PLCL2: variants seen among roughly 807,000 people sequenced by gnomAD.
PLCL2 encodes phospholipase C like 2, also known as inactive phospholipase C-like protein 2.
PLCL2 carries 4 observed loss-of-function variants against 79.6 expected under a neutral mutation model. The ratio of observed to expected loss-of-function variants is 0.05; its 90% CI spans 0.02 to 0.11. The LOEUF is 0.11. Among genes scored for constraint, PLCL2 ranks in the 10% least tolerant of loss-of-function variants. The probability of loss-of-function intolerance (pLI) is 1.00; values close to 1 mark genes in which losing one functional copy is unlikely to be tolerated. For missense variants in PLCL2, 895 were observed against 1,291.0 expected, an observed-to-expected ratio of 0.69 and a Z score of 4.70; for synonymous variants, 484 against 457.7, an observed-to-expected ratio of 1.06 and a Z score of -0.73.
chr3:16,999,976 T>G (rs2064191075), intron 1 of PLCL2, among the ~76,000 whole-genome samples: 1 of 152,186 alleles, frequency 6.6e-6, no homozygotes. Context: ...AATCTTCCTC[T>G]TTGTCTTCTA....
chr3:17,015,817 A>T (rs1328514387), intron 3 of PLCL2, among the ~76,000 whole-genome samples: 1 of 152,230 alleles, frequency 6.6e-6, no homozygotes, highest in African/African-American at 2.4e-5. Context: ...AAACCTAAAC[A>T]GAAATATTTT....
intron 1 of PLCL2, among the ~76,000 whole-genome samples, chr3:16,895,071 T>G (rs998464704): frequency 6.1e-5 from 9 of 148,538 alleles, no homozygotes; most frequent in Middle Eastern, 3.5e-3. Context: ...CGTATCTATA[T>G]AGATATAGAT....
chr3:16,907,936 AT>A (rs201634739), intron 1 of PLCL2, among the ~76,000 whole-genome samples: 61 of 151,712 alleles, frequency 4.0e-4, no homozygotes, highest in South Asian at 6.2e-4. Context: ...TGAATCTTTA[AT>A]TTTTTTTTAT....
intron 1 of PLCL2, among the ~76,000 whole-genome samples, chr3:16,933,552 A>G (rs529977322): frequency 6.6e-6 from 1 of 152,326 alleles, no homozygotes; most frequent in African/African-American, 2.4e-5. Flanking sequence ...CTCATGAATC[A>G]GCACATATAT....
chr3:17,063,029 G>A (rs979938258), intron 4 of PLCL2, among the ~76,000 whole-genome samples: 6 of 151,832 alleles, frequency 4.0e-5, no homozygotes, highest in Admixed American at 2.0e-4. Flanking sequence ...GCCACACTCT[G>A]TAAGAATATT....
In PLCL2 at chr3:17,080,356, C is replaced by T. The variant is rs551009581; in HGVS notation, c.3205-9377C>T. On this transcript the variant is annotated intron_variant, in intron 5 of 5. Coordinates refer to ENST00000615277, the MANE Select transcript of PLCL2 (RefSeq NM_001144382.2). ...AATTCTGATGAATGTGCCACGATCT[C>T]AGCCAGCCTCAAAAGAACTCTTGAA... is the stretch of plus-strand genomic sequence containing the variant. Among the ~76,000 whole-genome samples the T allele has an allele frequency of 2.6e-5, 4 of 152,280 alleles. No homozygotes were observed. The South Asian group carries it at 6.2e-4, about 24-fold the overall frequency.
At chr3:16,958,902 A>T (rs1559498674) in intron 1 of PLCL2, among the ~76,000 whole-genome samples, 1 of 152,186 alleles carries the variant, frequency 6.6e-6, no homozygotes, top group Non-Finnish European at 1.5e-5. Context: ...TGACTGTTGT[A>T]GACCTTTCCC....
chr3:17,021,398 A>G (rs57877341), intron 3 of PLCL2, among the ~76,000 whole-genome samples: 4,338 of 152,284 alleles, frequency 0.028, 227 homozygotes, highest in African/African-American at 0.1. Flanking sequence ...TGTGCTGGTA[A>G]CATCACATGT....
intron 3 of PLCL2, among the ~76,000 whole-genome samples, chr3:17,016,608 G>T (rs2064387293): frequency 6.6e-6 from 1 of 152,118 alleles, no homozygotes; most frequent in Admixed American, 6.6e-5. Context: ...AGTGAGGCTG[G>T]GGACCAACAT....
chr3:16,955,431 C>T (rs2063695690), intron 1 of PLCL2, among the ~76,000 whole-genome samples: 1 of 152,110 alleles, frequency 6.6e-6, no homozygotes, highest in Admixed American at 6.5e-5. Context: ...GTTACTGTAG[C>T]CTTATAGTAT....
chr3:17,054,780 G>A (rs565389075), intron 4 of PLCL2, among the ~76,000 whole-genome samples: 37 of 152,092 alleles, frequency 2.4e-4, no homozygotes, highest in Non-Finnish European at 4.4e-4. Context: ...GATCCAAATC[G>A]TATCAGTTCT....
Position 16,893,281 on chromosome 3 carries a change from A to G in PLCL2, c.327+7915A>G, listed in dbSNP as rs574948223. 5.3e-5 allele frequency among the ~76,000 whole-genome samples: 8 copies of G among 152,246 alleles called. No individual in the cohort carries two copies. The East Asian group carries it at 5.8e-4, about 11-fold the overall frequency. On this transcript the variant is annotated intron_variant, in intron 1 of 5. Transcript: ENST00000615277. ...TAACAAAAAGTTGATTTATAGTTCT[A>G]TGCATTTTTAGGGTCCTGGAAGGTA...
chr3:17,044,990 A>G (rs1177265830), intron 4 of PLCL2, among the ~76,000 whole-genome samples: 1 of 152,162 alleles, frequency 6.6e-6, no homozygotes, highest in Non-Finnish European at 1.5e-5. Flanking sequence ...AAGCGTGTAA[A>G]GATTATCTTT....
intron 1 of PLCL2, among the ~76,000 whole-genome samples, chr3:16,902,694 A>C (rs1039519170): frequency 1.3e-5 from 2 of 151,788 alleles, no homozygotes; most frequent in African/African-American, 4.8e-5. Context: ...GGGCATGGTG[A>C]TGCGTGCCTG....
chr3:17,044,460 A>G (rs2064760882), intron 4 of PLCL2, among the ~76,000 whole-genome samples: 1 of 152,194 alleles, frequency 6.6e-6, no homozygotes, highest in Non-Finnish European at 1.5e-5. Flanking sequence ...AAAGCATTCT[A>G]TTCAGCCCTT....
intron 1 of PLCL2, among the ~76,000 whole-genome samples, chr3:17,001,229 A>G (rs541552455): frequency 6.6e-6 from 1 of 152,086 alleles, no homozygotes; most frequent in East Asian, 1.9e-4. Flanking sequence ...GTCTATTTAG[A>G]TAATTTGCCC....
intron 5 of PLCL2, among the ~76,000 whole-genome samples, chr3:17,088,167 G>A (rs1010067804): frequency 7.2e-5 from 11 of 152,150 alleles, no homozygotes; most frequent in East Asian, 1.9e-4. Context: ...GCCTCATGAC[G>A]GTTTAAAATT....
chr3:17,082,139 G>T (rs1345975425), intron 5 of PLCL2, among the ~76,000 whole-genome samples: 12 of 101,336 alleles, frequency 1.2e-4, no homozygotes, highest in African/African-American at 1.6e-4. Flanking sequence ...CTCTTTCAGA[G>T]TTTTTTTTTT....
Position 17,010,052 on chromosome 3 carries a change from G to T in PLCL2, c.706G>T (p.Ala236Ser), listed in dbSNP as rs369130951. The change falls in exon 2 of 6, where the codon GCA (alanine) becomes TCA (serine). Residue 236 changes from alanine to serine, a missense_variant. Around this residue, in one of 6 missense-constraint regions of PLCL2, gnomAD observed 129 missense variants for 208.8 expected, o/e 0.62. Coordinates refer to ENST00000615277, the MANE Select transcript of PLCL2 (RefSeq NM_001144382.2). The surrounding 1 kb of genome is among the most constrained non-coding windows in gnomAD (Gnocchi z 5.8). ...GTCACTGGATTTGGTTGCCAACTCCGCAGATGTTGCAAACATCTGGGTTAC... is the reference window on the plus strand; with the variant it reads ...GTCACTGGATTTGGTTGCCAACTCCTCAGATGTTGCAAACATCTGGGTTAC... ...YESLDLVANS[A>S]DVANIWVTGL... 6.2e-7 allele frequency: 1 copy of T among 1,612,304 alleles called. No individual in the cohort carries two copies. The highest frequency in any genetic ancestry group is 8.5e-7 in the Non-Finnish European group (1 of 1,178,410).
Sources: gnomAD v4.1 joint callset for allele counts (sites outside exome capture counted in the v4.1 genomes callset) on GRCh38, gnomAD v4.1.1 for gene constraint, gnomAD v4.1.1 regional missense constraint, Gnocchi (gnomAD v3.1) non-coding constraint, MANE v1.5 for transcripts, NCBI Gene and HGNC (gene_info 2026-07-23, HGNC 2026-07-21) for gene names.